Variants in TF observed in about 807,000 individuals in gnomAD.
TF encodes serotransferrin.
Under a neutral mutation model 82.4 loss-of-function variants are expected in TF, and 55 were observed. The observed-to-expected ratio is 0.67, with a 90% CI of 0.54 to 0.84. TF has a LOEUF of 0.84. TF is among the 40% of genes least tolerant of loss of function. The probability of loss-of-function intolerance (pLI) is 0.00; values close to 1 mark genes in which losing one functional copy is unlikely to be tolerated. For synonymous variants in TF, 332 were observed against 332.6 expected, an observed-to-expected ratio of 1.00 and a Z score of 0.02; for missense variants, 737 against 868.4, an observed-to-expected ratio of 0.85 and a Z score of 1.90.
the TF span, among the ~76,000 whole-genome samples, chr3:133,680,185 A>G: frequency 6.6e-6 from 1 of 150,812 alleles, no homozygotes; most frequent in African/African-American, 2.4e-5. Flanking sequence ...TTTTACTCAC[A>G]CTTTTTTTTC....
the TF span, among the ~76,000 whole-genome samples, chr3:133,711,140 C>A: frequency 6.6e-6 from 1 of 152,182 alleles, no homozygotes; most frequent in East Asian, 1.9e-4. Context: ...GAAACGTTTG[C>A]GTTGCTAAAT....
chr3:133,690,020 C>G, the TF span, among the ~76,000 whole-genome samples: 6 of 151,952 alleles, frequency 3.9e-5, no homozygotes, highest in African/African-American at 1.5e-4. Flanking sequence ...ACTAGGTAGC[C>G]ATTCAGAAAA....
At chr3:133,667,043 G>GAA in the TF span, among the ~76,000 whole-genome samples, 20,453 of 136,086 alleles carry the variant, frequency 0.15, 1,711 homozygotes, top group Non-Finnish European at 0.21. Flanking sequence ...CTCAGAAAAA[G>GAA]AAAAAAAAAA....
intron 13 of TF, 78 bp downstream of exon 13, chr3:133,768,242 T>C (rs958138459): frequency 3.8e-6 from 6 of 1,566,324 alleles, no homozygotes; most frequent in Non-Finnish European, 5.2e-6. Flanking sequence ...AAGGTAAGAT[T>C]CTTAGGTTCC....
At chr3:133,674,013 G>T in the TF span, among the ~76,000 whole-genome samples, 3 of 152,072 alleles carry the variant, frequency 2.0e-5, no homozygotes, top group East Asian at 3.9e-4. Context: ...TTTGGGTAGA[G>T]TTTCCGAGAG....
chr3:133,682,597 G>A, the TF span, among the ~76,000 whole-genome samples: 2 of 152,216 alleles, frequency 1.3e-5, no homozygotes, highest in Non-Finnish European at 2.9e-5. Flanking sequence ...TCAAGTGGAA[G>A]AAAGAGTATC....
upstream of TF, among the ~76,000 whole-genome samples, chr3:133,745,617 A>G (rs8177183): frequency 0.014 from 2,154 of 152,332 alleles, 49 homozygotes; most frequent in African/African-American, 0.048. Context: ...AACAGGCCAC[A>G]CCGTCCACTG....
At chr3:133,746,229 C>T (rs1468938524), upstream of TF, 16 of 636,820 alleles carry the variant, frequency 2.5e-5, no homozygotes, top group Admixed American at 6.9e-5. Flanking sequence ...CGCGGGTCGT[C>T]TCCAGAGCTC....
the TF span, among the ~76,000 whole-genome samples, chr3:133,727,727 G>A: frequency 2.3e-5 from 3 of 129,546 alleles, no homozygotes; most frequent in Non-Finnish European, 4.9e-5. Flanking sequence ...TTGCTCGTTA[G>A]TTGATGCAGT....
rs1934928425 is a variant in TF at position 133,794,897 on chromosome 3, A to G, written c.*16277A>G. 6.6e-6 allele frequency: 1 copy of G among 152,222 alleles called. No homozygotes were observed. Among genetic ancestry groups the G allele is most frequent in the African/African-American group, 2.4e-5 (1 of 41,460 alleles). The allele number at this position is 152,222 out of a possible 1,614,324, so 9.4% of individuals were successfully genotyped here. On this transcript the variant is annotated 3_prime_UTR_variant, in exon 17 of 17. Transcript: ENST00000402696. ...GTGGAAAAAGGATCTGTTGTGTACA[A>G]TTATGGGTTATACTTTTATTTGTGA...
At chr3:133,751,381 C>T (rs902399082) in intron 2 of TF, among the ~76,000 whole-genome samples, 24 of 151,888 alleles carry the variant, frequency 1.6e-4, no homozygotes, top group African/African-American at 2.4e-4. Flanking sequence ...TACAGGCGCG[C>T]GCCACCATGC....
At chr3:133,732,362 G>A in the TF span, among the ~76,000 whole-genome samples, 1 of 152,136 alleles carries the variant, frequency 6.6e-6, no homozygotes, top group Non-Finnish European at 1.5e-5. Flanking sequence ...TCAGCATGCT[G>A]TCAAAACGGA....
intron 2 of TF, among the ~76,000 whole-genome samples, chr3:133,753,261 GGGC>G (rs1933726701): frequency 6.6e-6 from 1 of 152,212 alleles, no homozygotes; most frequent in South Asian, 2.1e-4. Context: ...GGGGTGGCGA[GGGC>G]GGCTTTCTCC....
At chr3:133,747,667 G>T (rs749234179) in intron 1 of TF, among the ~76,000 whole-genome samples, 1 of 152,230 alleles carries the variant, frequency 6.6e-6, no homozygotes, top group East Asian at 1.9e-4. Flanking sequence ...CAGCCAAAAA[G>T]TGTGGTGAAA....
At chr3:133,682,921 A>G in the TF span, among the ~76,000 whole-genome samples, 1 of 152,198 alleles carries the variant, frequency 6.6e-6, no homozygotes, top group African/African-American at 2.4e-5. Flanking sequence ...TCAAGTTGAA[A>G]TGAGGGAAAA....
the TF span, chr3:133,707,715 TC>T: frequency 6.6e-6 from 1 of 152,238 alleles, no homozygotes; most frequent in African/African-American, 2.4e-5. Flanking sequence ...CGCATTATCG[TC>T]TAATTCTAAA....
chr3:133,756,261 T>C lies in TF; in HGVS notation c.636-21T>C, dbSNP rs1458716724. On this transcript the variant is annotated intron_variant, in intron 5 of 16. Transcript: ENST00000402696. ...AGGGCCTGCCCTGCAGGAGCCCTGC[T>C]GATGTGTTTCTTTGACCCAGGTGTC... 3.1e-6 allele frequency: 5 copies of C among 1,613,508 alleles called. No individual in the cohort carries two copies. The South Asian group carries it at 4.4e-5, about 14-fold the overall frequency.
intron 9 of TF, among the ~76,000 whole-genome samples, chr3:133,759,549 T>C (rs1389016243): frequency 1.3e-5 from 2 of 152,124 alleles, no homozygotes; most frequent in Admixed American, 6.5e-5. Context: ...TATGAGTGTA[T>C]GGTGAAAGGG....
chr3:133,710,495 A>G, the TF span, among the ~76,000 whole-genome samples: 2 of 152,140 alleles, frequency 1.3e-5, no homozygotes, highest in South Asian at 4.1e-4. Flanking sequence ...CACACACCTC[A>G]AACCCACACC....
Sources: gnomAD v4.1 joint callset for allele counts (sites outside exome capture counted in the v4.1 genomes callset) on GRCh38, gnomAD v4.1.1 for gene constraint, MANE v1.5 for transcripts, NCBI Gene and HGNC (gene_info 2026-07-23, HGNC 2026-07-21) for gene names.